Variants in PTPRZ1 observed in about 807,000 individuals in gnomAD.
The protein encoded by PTPRZ1 is receptor-type tyrosine-protein phosphatase zeta.
In PTPRZ1, 82 loss-of-function variants were observed where a neutral mutation model predicts 214.1. That is an observed-to-expected ratio of 0.38 (90% CI 0.32 to 0.46). PTPRZ1 has a LOEUF of 0.46. Among genes scored for constraint, PTPRZ1 ranks in the 20% least tolerant of loss-of-function variants. The pLI, the probability that PTPRZ1 is intolerant of heterozygous loss-of-function variation, is 1.00. For missense variants in PTPRZ1, 2,603 were observed against 2,748.7 expected (o/e 0.95, Z 1.19); for synonymous variants, 945 against 987.9 (o/e 0.96, Z 0.81).
Position 122,031,443 on chromosome 7 carries a change from GCTCT to G in PTPRZ1, c.5081-28_5081-25del, listed in dbSNP as rs779924138. 4.9e-5 allele frequency: 73 copies of G among 1,493,356 alleles called. No homozygotes were observed. The African/African-American group carries it at 8.0e-4, about 16-fold the overall frequency. 92.5% of individuals were successfully genotyped at this position (1,493,356 alleles called of 1,614,324 possible). A position where few individuals can be genotyped will look rare whatever the true frequency, so the allele number is the denominator to read the frequency against. On this transcript the variant is annotated intron_variant, in intron 14 of 29. Transcript: ENST00000393386. ...GGTACGTTTATTTCTGTTAAATTAT[GCTCT>G]CTAACACAATTTTTTTATTCACGTA...
chr7:122,003,254 C>T (rs991047604), intron 10 of PTPRZ1, among the ~76,000 whole-genome samples: 10 of 152,030 alleles, frequency 6.6e-5, no homozygotes, highest in East Asian at 5.8e-4. Flanking sequence ...TTAGTTTTAA[C>T]GAGAAAAAAA....
chr7:121,981,137 T>C (rs1314570324), intron 6 of PTPRZ1, among the ~76,000 whole-genome samples: 1 of 114,734 alleles, frequency 8.7e-6, no homozygotes, highest in East Asian at 2.6e-4. Flanking sequence ...CGAGACTCCG[T>C]CTCAAAAAAA....
chr7:122,040,857 G>A lies in PTPRZ1; in HGVS notation c.5679G>A (p.Gln1893=), dbSNP rs776106713. ...GACCCAGTGGACGTGTGGTCACACA[G>A]TATCACTACACGCAGTGGCCTGACA... ...KGRPSGRVVT[Q]YHYTQWPDMG... Residue 1893 remains glutamine (Q), a synonymous_variant, in exon 21 of 30, where the codon CAG becomes CAA. Transcript: ENST00000393386. The A allele has an allele frequency of 1.3e-6, 2 of 1,599,482 alleles. No homozygotes were observed. The highest frequency in any genetic ancestry group is 1.7e-6 in the Non-Finnish European group (2 of 1,170,368).
chr7:121,945,461 T>C (rs556931546), intron 2 of PTPRZ1, among the ~76,000 whole-genome samples: 2 of 152,338 alleles, frequency 1.3e-5, no homozygotes, highest in East Asian at 3.9e-4. Context: ...GGTAATTTTT[T>C]TGGTACATTT....
chr7:121,956,072 G>T (rs962487428), intron 2 of PTPRZ1, among the ~76,000 whole-genome samples: 1 of 151,794 alleles, frequency 6.6e-6, no homozygotes, highest in Non-Finnish European at 1.5e-5. Flanking sequence ...GCATCCTCTC[G>T]CCAGAACTTC....
At position 122,038,831 on chromosome 7, in the gene PTPRZ1, T is replaced by C. The variant is rs1269138532; in HGVS notation, c.5444T>C (p.Ile1815Thr). The C allele has an allele frequency of 2.5e-6, 4 of 1,613,828 alleles. No individual in the cohort carries two copies. Among genetic ancestry groups the C allele is most frequent in the Non-Finnish European group, 3.4e-6 (4 of 1,179,780 alleles). Reference protein sequence around the residue: ...KSTAEDFWRMIWEHNVEVIVM... With the variant: ...KSTAEDFWRMTWEHNVEVIVM... ...ACAGCTGAAGATTTCTGGAGAATGA[T>C]ATGGGAACATAATGTGGAAGTTATT... The change falls in exon 19 of 30, where the codon ATA becomes ACA. Residue 1815 changes from isoleucine to threonine, a missense_variant. Around this residue, in one of 6 missense-constraint regions of PTPRZ1, gnomAD observed 1,913 missense variants for 1,914.3 expected, o/e 1.00. Transcript: ENST00000393386.
At chr7:121,913,178 AT>A (rs1217666994) in intron 1 of PTPRZ1, among the ~76,000 whole-genome samples, 1 of 152,210 alleles carries the variant, frequency 6.6e-6, no homozygotes, top group African/African-American at 2.4e-5. Flanking sequence ...CATATGATGC[AT>A]GAGAAGGCTT....
intron 5 of PTPRZ1, 103 bp from the exon 6 acceptor site, chr7:121,976,682 T>A: frequency 1.1e-6 from 1 of 942,800 alleles, no homozygotes. Flanking sequence ...TTACTATTTT[T>A]TAATGCACAT....
Position 122,013,613 on chromosome 7 carries a change from G to A in PTPRZ1, c.4567G>A (p.Asp1523Asn), listed in dbSNP as rs746414310. ...QKHNDGKEEN[D>N]IQTGSALLPL... is the part of the protein sequence containing the mutation. ...GCACAATGATGGAAAAGAGGAAAAT[G>A]ACATTCAGACTGGTAGTGCTCTGCT... The change falls in exon 12 of 30, where the codon GAC (aspartate) becomes AAC (asparagine). Residue 1523 changes from aspartate to asparagine, a missense_variant. Asp to Asn is a conservative substitution (Grantham distance 23). Transcript: ENST00000393386. 6.2e-7 allele frequency: 1 copy of A among 1,614,178 alleles called. No homozygotes were observed. Among genetic ancestry groups the A allele is most frequent in the African/African-American group, 1.3e-5 (1 of 75,044 alleles).
At position 122,056,097 on chromosome 7, in the gene PTPRZ1, T is replaced by A. The variant is rs188991861; in HGVS notation, c.6528+1010T>A. On this transcript the variant is annotated intron_variant, in intron 27 of 29. Coordinates refer to ENST00000393386, the MANE Select transcript of PTPRZ1 (RefSeq NM_002851.3). Reference sequence around the variant, plus strand: ...AGAGCTCTTAATGTTCCATGCTAATTTCTATCTCTGATTACTCCCTGATCA... The same window carrying A: ...AGAGCTCTTAATGTTCCATGCTAATATCTATCTCTGATTACTCCCTGATCA... Among the ~76,000 whole-genome samples, 22 of 152,022 alleles carry A rather than the reference T, an allele frequency of 1.4e-4. No individual in the cohort carries two copies. In the East Asian group the frequency reaches 3.7e-3, roughly 25 times the overall value.
intron 8 of PTPRZ1, among the ~76,000 whole-genome samples, chr7:121,989,542 T>A (rs568930538): frequency 1.3e-5 from 2 of 152,156 alleles, no homozygotes; most frequent in African/African-American, 4.8e-5. Flanking sequence ...ACCCAGCTAA[T>A]TTTGTATTTT....
At chr7:121,876,095 A>T (rs915708148) in intron 1 of PTPRZ1, among the ~76,000 whole-genome samples, 8 of 152,230 alleles carry the variant, frequency 5.3e-5, no homozygotes, top group African/African-American at 1.9e-4. Flanking sequence ...ATCAGATCAG[A>T]TCATTTTGTA....
At chr7:121,982,708 A>G (rs1182215316) in intron 6 of PTPRZ1, among the ~76,000 whole-genome samples, 2 of 152,054 alleles carry the variant, frequency 1.3e-5, no homozygotes, top group Non-Finnish European at 2.9e-5. Context: ...ATTTTTGTAT[A>G]TTGATCTACG....
intron 2 of PTPRZ1, among the ~76,000 whole-genome samples, chr7:121,932,978 G>C (rs930860639): frequency 6.6e-6 from 1 of 152,024 alleles, no homozygotes; most frequent in Admixed American, 6.5e-5. Flanking sequence ...GTTGAGCAAG[G>C]CTTGCTTGTC....
chr7:122,029,749 T>C (rs1038744779), intron 14 of PTPRZ1, among the ~76,000 whole-genome samples: 1 of 151,556 alleles, frequency 6.6e-6, no homozygotes, highest in African/African-American at 2.4e-5. Flanking sequence ...TATATGTTTA[T>C]GTCATATGTT....
At chr7:121,928,994 A>G (rs1330859735) in intron 2 of PTPRZ1, among the ~76,000 whole-genome samples, 4 of 152,218 alleles carry the variant, frequency 2.6e-5, no homozygotes, top group Non-Finnish European at 2.9e-5. Context: ...TCAGATTACA[A>G]GGGCTTTACC....
At chr7:121,908,556 G>T in intron 1 of PTPRZ1, 1 of 338,966 alleles carries the variant, frequency 3.0e-6, no homozygotes, top group South Asian at 2.5e-5. Flanking sequence ...AGTCTTACAG[G>T]TCCTCTCCTC....
intron 2 of PTPRZ1, among the ~76,000 whole-genome samples, chr7:121,961,788 CAG>C (rs1796888369): frequency 3.9e-5 from 6 of 152,172 alleles, no homozygotes; most frequent in Non-Finnish European, 7.3e-5. Flanking sequence ...AGACAAAATA[CAG>C]TATGTTAAGT....
intron 18 of PTPRZ1, among the ~76,000 whole-genome samples, chr7:122,038,509 CTTTTTTT>C (rs140553499): frequency 6.6e-5 from 7 of 106,304 alleles, no homozygotes; most frequent in Admixed American, 2.1e-4. Flanking sequence ...GAGAGCTATT[CTTTTTTT>C]TTTTTTTTTT....
Sources: allele counts gnomAD v4.1 joint callset (sites outside exome capture counted in the v4.1 genomes callset), GRCh38; gene constraint gnomAD v4.1.1; regional missense constraint gnomAD v4.1.1; transcripts MANE v1.5; gene names NCBI Gene and HGNC (gene_info 2026-07-23, HGNC 2026-07-21).